Variants in ANKRD35 observed in about 807,000 individuals in gnomAD.
ANKRD35 encodes ankyrin repeat domain 35.
ANKRD35 carries 102 observed loss-of-function variants against 109.9 expected under a neutral mutation model. The ratio of observed to expected loss-of-function variants is 0.93; its 90% CI spans 0.79 to 1.09. The LOEUF (loss-of-function observed/expected upper bound fraction) is 1.09. Ranked by LOEUF, ANKRD35 falls within the 50% of genes least tolerant of loss-of-function variation. ANKRD35 has a pLI of 0.00. For missense variants in ANKRD35, 1,240 were observed against 1,230.1 expected, an observed-to-expected ratio of 1.01 and a Z score of -0.12; for synonymous variants, 515 against 512.4, an observed-to-expected ratio of 1.01 and a Z score of -0.07.
intron 8 of ANKRD35, among the ~76,000 whole-genome samples, chr1:145,874,500 CTAAGGGGGT>C (rs1653984647): frequency 6.6e-6 from 1 of 152,156 alleles, no homozygotes. Flanking sequence ...GGCCTGTCAC[CTAAGGGGGT>C]TACAATCTGG....
In ANKRD35 at chr1:145,872,239, C is replaced by T. The variant is rs1190092595; in HGVS notation, c.2530G>A (p.Ala844Thr). 1.2e-6 allele frequency: 2 copies of T among 1,610,988 alleles called. No homozygotes were observed. The highest frequency in any genetic ancestry group is 1.7e-5 in the Admixed American group (1 of 59,308). The change falls in exon 10 of 14, where the codon GCC (alanine) becomes ACC (threonine). Residue 844 changes from alanine to threonine, a missense_variant. Ala to Thr is a moderately conservative substitution (Grantham distance 58). Coordinates refer to ENST00000355594, the MANE Select transcript of ANKRD35 (RefSeq NM_144698.5). ...TCCTGGCCCCAAGCCTGAGCCTGGG[C>T]CACCAGCGAACCCCGAGTTTTCTCG... Reference protein sequence around the residue: ...QHEKTRGSLVAQAQAWGQELK... With the variant: ...QHEKTRGSLVTQAQAWGQELK...
intron 1 of ANKRD35, among the ~76,000 whole-genome samples, chr1:145,885,061 C>T (rs1045658350): frequency 6.6e-6 from 1 of 152,080 alleles, no homozygotes; most frequent in Middle Eastern, 3.2e-3. Flanking sequence ...GAGGGGAGAA[C>T]AGAAGGTTGC....
At chr1:145,879,504 C>T in intron 1 of ANKRD35, 116 bp from the exon 2 acceptor site, 2 of 1,168,254 alleles carry the variant, frequency 1.7e-6, no homozygotes, top group Non-Finnish European at 2.3e-6. Context: ...TTTTCTCTTC[C>T]ACAAGTCACA....
chr1:145,868,996 G>C (rs1382747209), intron 10 of ANKRD35, among the ~76,000 whole-genome samples: 1 of 151,886 alleles, frequency 6.6e-6, no homozygotes, highest in Non-Finnish European at 1.5e-5. Flanking sequence ...AGACTAAAAT[G>C]TTCTTTCAAA....
intron 8 of ANKRD35, 45 bp from the exon 9 acceptor site, chr1:145,874,237 A>G: frequency 1.3e-6 from 2 of 1,597,652 alleles, no homozygotes; most frequent in Non-Finnish European, 1.7e-6. Flanking sequence ...GACAGGTTCC[A>G]TGTACTTCCA....
chr1:145,872,386 C>G lies in ANKRD35; in HGVS notation c.2383G>C (p.Ala795Pro). The change falls in exon 10 of 14, where the codon GCA becomes CCA. Residue 795 changes from alanine to proline, a missense_variant. Coordinates refer to ENST00000355594, the MANE Select transcript of ANKRD35 (RefSeq NM_144698.5). ...TTCCCGCTCATCGTGGCCTGAACTGCCCGCAGCTCTTCCTCCAGCTTCCCC... is the reference window on the plus strand; with the variant it reads ...TTCCCGCTCATCGTGGCCTGAACTGGCCGCAGCTCTTCCTCCAGCTTCCCC... ...DLGKLEEELR[A>P]VQATMSGKSQ... is the part of the protein sequence containing the mutation. 6.2e-7 allele frequency: 1 copy of G among 1,613,234 alleles called. No individual in the cohort carries two copies. The highest frequency in any genetic ancestry group is 8.5e-7 in the Non-Finnish European group (1 of 1,179,738).
At position 145,873,733 on chromosome 1, in the gene ANKRD35, C is replaced by T. The variant is rs369082113; in HGVS notation, c.1036G>A (p.Val346Ile). Residue 346 changes from valine to isoleucine, a missense_variant, in exon 10 of 14, where the codon GTC becomes ATC. Val to Ile is a conservative substitution (Grantham distance 29). Transcript: ENST00000355594. ...GCTCTGGGCTCCCAGGATAGGAGGA[C>T]CCCTAGCTCCTGCGCCTGCTCTCGA... is the stretch of plus-strand genomic sequence containing the variant. ...QIREQAQELG[V>I]LLSWEPRASG... 1.2e-6 allele frequency: 2 copies of T among 1,613,740 alleles called. No homozygotes were observed. The highest frequency in any genetic ancestry group is 1.1e-5 in the South Asian group (1 of 91,006).
chr1:145,883,598 C>T lies in ANKRD35; in HGVS notation c.39+2122G>A, dbSNP rs587640315. Among the ~76,000 whole-genome samples, 268 of 152,326 alleles carry T rather than the reference C, an allele frequency of 1.8e-3. 1 individual carries two copies. Among genetic ancestry groups the T allele is most frequent in the Non-Finnish European group, 1.4e-3 (92 of 68,032 alleles). On this transcript the variant is annotated intron_variant, in intron 1 of 13. Coordinates refer to ENST00000355594, the MANE Select transcript of ANKRD35 (RefSeq NM_144698.5). Reference sequence around the variant, plus strand: ...GATCACTGCTTTTTCAGTCCTTACTCAGACTGACAGTGCAGGGCTCTGGCC... The same window carrying T: ...GATCACTGCTTTTTCAGTCCTTACTTAGACTGACAGTGCAGGGCTCTGGCC...
chr1:145,879,028 G>C (rs1336761003), intron 2 of ANKRD35, among the ~76,000 whole-genome samples: 2 of 152,146 alleles, frequency 1.3e-5, no homozygotes, highest in Admixed American at 1.3e-4. Flanking sequence ...TACTTTACAA[G>C]TCAGTGGTGT....
intron 10 of ANKRD35, among the ~76,000 whole-genome samples, chr1:145,868,630 T>C (rs1296770528): frequency 1.3e-5 from 2 of 152,206 alleles, no homozygotes; most frequent in African/African-American, 2.4e-5. Flanking sequence ...AAAGTCCAAA[T>C]CTTTTTGATA....
chr1:145,868,999 C>A (rs1401379279), intron 10 of ANKRD35, among the ~76,000 whole-genome samples: 1 of 151,814 alleles, frequency 6.6e-6, no homozygotes, highest in African/African-American at 2.4e-5. Context: ...CTAAAATGTT[C>A]TTTCAAAAGA....
At position 145,874,229 on chromosome 1, in the gene ANKRD35, C is replaced by T. The variant is rs371347119; in HGVS notation, c.746-37G>A. On this transcript the variant is annotated intron_variant, in intron 8 of 13. Coordinates refer to ENST00000355594, the MANE Select transcript of ANKRD35 (RefSeq NM_144698.5). ...GATATGAGGAAAATGAGAGAGAAGACAGGTTCCATGTACTTCCAGCCCACA... is the reference window on the plus strand; with the variant it reads ...GATATGAGGAAAATGAGAGAGAAGATAGGTTCCATGTACTTCCAGCCCACA... 5 of 1,608,168 alleles carry T rather than the reference C, an allele frequency of 3.1e-6. No homozygotes were observed. The African/African-American group carries it at 5.4e-5, about 17-fold the overall frequency.
In ANKRD35 at chr1:145,872,421, T is replaced by C. The variant is rs782495410; in HGVS notation, c.2348A>G (p.Glu783Gly). The change falls in exon 10 of 14, where the codon GAG (glutamate) becomes GGG (glycine). Residue 783 changes from glutamate (E) to glycine (G), a missense_variant. Coordinates refer to ENST00000355594, the MANE Select transcript of ANKRD35 (RefSeq NM_144698.5). The part of the protein sequence containing the change: ...APASPQVAAL[E>G]QDLGKLEEEL... ...TTCCTCCAGCTTCCCCAGGTCTTGC[T>C]CCAGAGCGGCCACTTGGGGGGATGC... is the stretch of plus-strand genomic sequence containing the variant. The C allele has an allele frequency of 6.2e-7, 1 of 1,613,016 alleles. No homozygotes were observed. Among genetic ancestry groups the C allele is most frequent in the Non-Finnish European group, 8.5e-7 (1 of 1,179,828 alleles).
In ANKRD35 at chr1:145,872,839, C is replaced by G. The variant is rs782533265; in HGVS notation, c.1930G>C (p.Glu644Gln). ...LGRERQRLQR[E>Q]LQSLSQRLQR... ...AGCCGCTGGCTCAGGGACTGTAGCT[C>G]CCTCTGCAACCTCTGCCGCTCCCGC... Residue 644 changes from glutamate to glutamine, a missense_variant, in exon 10 of 14, where the codon GAG (glutamate) becomes CAG (glutamine). Glu to Gln is a conservative substitution (Grantham distance 29). Transcript: ENST00000355594. The G allele has an allele frequency of 1.2e-6, 2 of 1,614,078 alleles. No individual in the cohort carries two copies. The highest frequency in any genetic ancestry group is 4.5e-5 in the East Asian group (2 of 44,874).
At position 145,876,813 on chromosome 1, in the gene ANKRD35, C is replaced by T. The variant is rs781862545; in HGVS notation, c.382+3G>A. On this transcript the variant is annotated splice_donor_region_variant and intron_variant, in intron 5 of 13. Transcript: ENST00000355594. ...CCTGTTCCCATGAGTCCCCTGCACA[C>T]ACCTGCCCAGTGCAATGGACTACGG... The T allele has an allele frequency of 1.9e-5, 30 of 1,614,020 alleles. No homozygotes were observed. The highest frequency in any genetic ancestry group is 2.4e-5 in the Non-Finnish European group (28 of 1,180,042).
Position 145,872,064 on chromosome 1 carries a change from G to C in ANKRD35, c.2705C>G (p.Ser902Cys). 1 of 1,613,630 alleles carries C rather than the reference G, an allele frequency of 6.2e-7. No individual in the cohort carries two copies. The highest frequency in any genetic ancestry group is 8.5e-7 in the Non-Finnish European group (1 of 1,179,904). ...ERQASEMRGRSEQFEKTAELL... is the reference protein window; with the variant it reads ...ERQASEMRGRCEQFEKTAELL... Reference sequence around the variant, plus strand: ...CTCTGCCGTTTTCTCAAACTGCTCGGAGCGCCCCCGCATCTCGCTGGCCTG... The same window carrying C: ...CTCTGCCGTTTTCTCAAACTGCTCGCAGCGCCCCCGCATCTCGCTGGCCTG... The change falls in exon 10 of 14, where the codon TCC becomes TGC. Residue 902 changes from serine (S) to cysteine (C), a missense_variant. Ser to Cys is a moderately radical substitution (Grantham distance 112). Transcript: ENST00000355594.
In ANKRD35 at chr1:145,876,184, C is replaced by G; in HGVS notation, c.516G>C (p.Leu172=). Reference sequence around the variant, plus strand: ...CATTAACTCGGGCGCCTCGCTGCAGCAGCTGTGAGCAGATAGCTGCGTGCC... The same window carrying G: ...CATTAACTCGGGCGCCTCGCTGCAGGAGCTGTGAGCAGATAGCTGCGTGCC... ...LGGHAAICSQ[L]LQRGARVNVT... Residue 172 remains leucine (L), a synonymous_variant, in exon 7 of 14, where the codon CTG becomes CTC. Transcript: ENST00000355594. The G allele has an allele frequency of 6.2e-7, 1 of 1,614,040 alleles. No individual in the cohort carries two copies. Among genetic ancestry groups the G allele is most frequent in the Non-Finnish European group, 8.5e-7 (1 of 1,179,980 alleles).
At position 145,868,045 on chromosome 1, in the gene ANKRD35, C is replaced by A. The variant is rs1653670550; in HGVS notation, c.2889G>T (p.Lys963Asn). 6.2e-7 allele frequency: 1 copy of A among 1,614,116 alleles called. No individual in the cohort carries two copies. Among genetic ancestry groups the A allele is most frequent in the East Asian group, 2.2e-5 (1 of 44,874 alleles). ...AGGTGGAGATGATCTCTTCATGGTT[C>A]TTCTGGGAATCCTGGGAATGAACAT... is the stretch of plus-strand genomic sequence containing the variant. ...RLALQLQDSQ[K>N]NHEEIISTYR... is the part of the protein sequence containing the mutation. Residue 963 changes from lysine to asparagine, a missense_variant, in exon 12 of 14, where the codon AAG becomes AAT. Lys to Asn is a moderately conservative substitution (Grantham distance 94). Transcript: ENST00000355594.
intron 1 of ANKRD35, 24 bp from the exon 2 acceptor site, chr1:145,879,412 T>G: frequency 6.6e-7 from 1 of 1,512,352 alleles, no homozygotes; most frequent in South Asian, 1.3e-5. Context: ...ACAGGTTGTG[T>G]GAATATAGGG....
Sources: allele counts gnomAD v4.1 joint callset (sites outside exome capture counted in the v4.1 genomes callset), GRCh38; gene constraint gnomAD v4.1.1; transcripts MANE v1.5; gene names NCBI Gene and HGNC (gene_info 2026-07-23, HGNC 2026-07-21).